Variants in NKAIN2 observed in about 807,000 individuals in gnomAD.
NKAIN2 encodes the protein sodium/potassium transporting ATPase interacting 2, also known as sodium/potassium-transporting ATPase subunit beta-1-interacting protein 2.
A neutral mutation model predicts 32.6 loss-of-function variants in NKAIN2; 14 were observed. The ratio of observed to expected loss-of-function variants is 0.43; its 90% CI spans 0.28 to 0.67. The LOEUF is 0.67. NKAIN2 is among the 30% of genes least tolerant of loss of function. NKAIN2 has a pLI of 0.17. For synonymous variants in NKAIN2, 80 were observed against 87.2 expected (o/e 0.92, Z 0.46); for missense variants, 198 against 258.3 (o/e 0.77, Z 1.60).
chr6:124,307,903 G>C (rs1163777865), intron 2 of NKAIN2, among the ~76,000 whole-genome samples: 1 of 152,110 alleles, frequency 6.6e-6, no homozygotes, highest in Non-Finnish European at 1.5e-5. Flanking sequence ...AAAATGTGAA[G>C]TATGATAAAA....
intron 1 of NKAIN2, among the ~76,000 whole-genome samples, chr6:124,034,766 A>G (rs1481474205): frequency 2.0e-5 from 3 of 152,192 alleles, no homozygotes; most frequent in East Asian, 1.9e-4. Flanking sequence ...TTTTTTTCAC[A>G]TCCTCACCAA....
chr6:124,496,230 C>G (rs1192640359), intron 3 of NKAIN2, among the ~76,000 whole-genome samples: 3 of 152,164 alleles, frequency 2.0e-5, no homozygotes, highest in Non-Finnish European at 2.9e-5. Context: ...TTCCAGCCAT[C>G]AGTCCTTTCA....
chr6:124,534,473 A>C (rs2114829212), intron 3 of NKAIN2, among the ~76,000 whole-genome samples: 1 of 152,346 alleles, frequency 6.6e-6, no homozygotes, highest in Non-Finnish European at 1.5e-5. Flanking sequence ...TTTCTATAAC[A>C]AATTTTTTAA....
chr6:123,906,861 G>T (rs529416259), intron 1 of NKAIN2, among the ~76,000 whole-genome samples: 1 of 152,190 alleles, frequency 6.6e-6, no homozygotes, highest in Admixed American at 6.5e-5. Flanking sequence ...TATTACTCAG[G>T]TTAAATAAGC....
intron 5 of NKAIN2, among the ~76,000 whole-genome samples, chr6:124,803,865 T>C (rs1452022861): frequency 6.6e-6 from 1 of 152,234 alleles, no homozygotes; most frequent in Non-Finnish European, 1.5e-5. Flanking sequence ...TCCTTTTGTA[T>C]AAATCCTTTT....
chr6:124,598,221 T>C (rs559542063), intron 3 of NKAIN2, among the ~76,000 whole-genome samples: 6 of 152,310 alleles, frequency 3.9e-5, no homozygotes, highest in African/African-American at 1.4e-4. Flanking sequence ...TGCCTCTATG[T>C]TTTTTAGTTA....
At chr6:124,626,496 G>A (rs11758000) in intron 3 of NKAIN2, among the ~76,000 whole-genome samples, 6,719 of 152,030 alleles carry the variant, frequency 0.044, 254 homozygotes, top group African/African-American at 0.1. Context: ...CACACAGAGA[G>A]GTATGTAAAT....
At chr6:123,837,412 T>A (rs1774676467) in intron 1 of NKAIN2, among the ~76,000 whole-genome samples, 1 of 152,102 alleles carries the variant, frequency 6.6e-6, no homozygotes. Context: ...ATGGTACTCA[T>A]CCTTGACAAC....
intron 1 of NKAIN2, among the ~76,000 whole-genome samples, chr6:124,215,900 C>T (rs1310338409): frequency 3.3e-5 from 5 of 152,004 alleles, no homozygotes; most frequent in African/African-American, 1.2e-4. Context: ...GGTGGATCAC[C>T]TGAGGTCAGG....
chr6:124,214,575 C>G (rs1364768577), intron 1 of NKAIN2, among the ~76,000 whole-genome samples: 4 of 151,962 alleles, frequency 2.6e-5, no homozygotes, highest in Non-Finnish European at 5.9e-5. Context: ...ATAATGAAAC[C>G]CTGTCTCTAC....
intron 1 of NKAIN2, among the ~76,000 whole-genome samples, chr6:124,236,181 T>C (rs898562367): frequency 6.6e-6 from 1 of 152,140 alleles, no homozygotes; most frequent in African/African-American, 2.4e-5. Flanking sequence ...AATTATTAAA[T>C]AATGTAAACA....
intron 1 of NKAIN2, among the ~76,000 whole-genome samples, chr6:124,061,897 A>C (rs147102878): frequency 6.6e-6 from 1 of 152,292 alleles, no homozygotes; most frequent in East Asian, 1.9e-4. Flanking sequence ...TCATTGATTT[A>C]TCATTCTTAA....
intron 1 of NKAIN2, among the ~76,000 whole-genome samples, chr6:124,268,942 A>G (rs1031138015): frequency 8.5e-5 from 13 of 152,086 alleles, no homozygotes; most frequent in African/African-American, 2.9e-4. Context: ...ACTGTTGCCT[A>G]CTTCATTAAA....
At chr6:124,201,239 G>T (rs1284763845) in intron 1 of NKAIN2, among the ~76,000 whole-genome samples, 1 of 151,742 alleles carries the variant, frequency 6.6e-6, no homozygotes, top group Non-Finnish European at 1.5e-5. Flanking sequence ...GGCATGTGGT[G>T]GGGGGGCGAT....
intron 4 of NKAIN2, among the ~76,000 whole-genome samples, chr6:124,674,386 T>C (rs1258336534): frequency 1.3e-5 from 2 of 152,008 alleles, no homozygotes. Flanking sequence ...TTTTTCTATT[T>C]CTGCAAAAAA....
chr6:124,604,351 T>G (rs951219134), intron 3 of NKAIN2, among the ~76,000 whole-genome samples: 1 of 152,032 alleles, frequency 6.6e-6, no homozygotes. Context: ...TTAGCTTATT[T>G]GCTATTTTAA....
rs1045423326 is a variant in NKAIN2 at position 124,283,229 on chromosome 6, A to G, written c.192+87A>G. ...AATGCCTTGAAAACTTATGTGTATA[A>G]TCTATCTTAAAGATGTGGATACTCT... On this transcript the variant is annotated intron_variant, in intron 2 of 6. Coordinates refer to ENST00000368417, the MANE Select transcript of NKAIN2 (RefSeq NM_001040214.3). 1.0e-4 allele frequency: 88 copies of G among 870,844 alleles called. No homozygotes were observed. In the East Asian group the frequency reaches 2.2e-3, roughly 21 times the overall value. 53.9% of individuals were successfully genotyped at this position (870,844 alleles called of 1,614,324 possible).
intron 1 of NKAIN2, among the ~76,000 whole-genome samples, chr6:123,973,336 G>A (rs1254533642): frequency 6.6e-6 from 1 of 152,126 alleles, no homozygotes; most frequent in African/African-American, 2.4e-5. Context: ...ACTAGGGTAG[G>A]ATTTGGAGCT....
chr6:123,904,798 C>T (rs1190845662), intron 1 of NKAIN2, among the ~76,000 whole-genome samples: 3 of 152,252 alleles, frequency 2.0e-5, no homozygotes, highest in Middle Eastern at 3.4e-3. Context: ...TTCTCTCCCT[C>T]GCTTGGATGT....
Sources: allele counts gnomAD v4.1 joint callset (sites outside exome capture counted in the v4.1 genomes callset), GRCh38; gene constraint gnomAD v4.1.1; transcripts MANE v1.5; gene names NCBI Gene and HGNC (gene_info 2026-07-23, HGNC 2026-07-21).